Variants in CCDC7 observed in about 807,000 individuals in gnomAD.
The protein encoded by CCDC7 is coiled-coil domain containing 7.
A neutral mutation model predicts 196.9 loss-of-function variants in CCDC7; 183 were observed. The observed-to-expected ratio is 0.93, with a 90% CI of 0.82 to 1.05. The LOEUF (loss-of-function observed/expected upper bound fraction) is 1.05. Among genes scored for constraint, CCDC7 ranks in the 50% least tolerant of loss-of-function variants. The pLI is 0.00. For missense variants in CCDC7, 1,540 were observed against 1,482.2 expected (o/e 1.04, Z -0.64); for synonymous variants, 525 against 484.6 (o/e 1.08, Z -1.10).
chr10:32,664,293 A>T lies in CCDC7; in HGVS notation c.2122+132A>T, dbSNP rs539995841. The T allele has an allele frequency of 6.7e-5, 24 of 359,148 alleles. No homozygotes were observed. The South Asian group carries it at 3.1e-3, about 47-fold the overall frequency. 22.2% of individuals were successfully genotyped at this position (359,148 alleles called of 1,614,324 possible). A position where few individuals can be genotyped will look rare whatever the true frequency, so the allele number is the denominator to read the frequency against. ...TAAATTGTGGAATAATAAATTGTGGAATTTAAATATAAATTGTGGAAAATA... is the reference window on the plus strand; with the variant it reads ...TAAATTGTGGAATAATAAATTGTGGTATTTAAATATAAATTGTGGAAAATA... On this transcript the variant is annotated intron_variant, in intron 21 of 41. Coordinates refer to ENST00000639629, the Ensembl canonical transcript of CCDC7.
chr10:32,481,515 T>G (rs1415675395), intron 8 of CCDC7, among the ~76,000 whole-genome samples: 1 of 152,184 alleles, frequency 6.6e-6, no homozygotes, highest in Non-Finnish European at 1.5e-5. Flanking sequence ...TAGCTATAGG[T>G]ATTTTGTTTT....
intron 18 of CCDC7, among the ~76,000 whole-genome samples, chr10:32,633,539 C>T (rs1174723771): frequency 6.6e-6 from 1 of 152,092 alleles, no homozygotes; most frequent in Non-Finnish European, 1.5e-5. Flanking sequence ...ATTTGCACCC[C>T]ACTCTCTTGA....
intron 18 of CCDC7, among the ~76,000 whole-genome samples, chr10:32,619,277 C>T (rs7924251): frequency 0.14 from 21,505 of 151,652 alleles, 1,875 homozygotes; most frequent in African/African-American, 0.25. Flanking sequence ...ATCTGTAAAA[C>T]GAAAGAGATT....
rs565953060 is a variant in CCDC7, at chr10:32,860,365, C to G, written c.4111+5876C>G. On this transcript the variant is annotated intron_variant, in intron 41 of 41. Transcript: ENST00000639629. ...AAGGCCTTTGACAAAATTTAACAGC[C>G]CTTCATGCTAAAAACTCTTAATAAA... Among the ~76,000 whole-genome samples the G allele has an allele frequency of 7.2e-5, 11 of 152,136 alleles. No individual in the cohort carries two copies. In the East Asian group the frequency reaches 2.1e-3, roughly 29 times the overall value.
chr10:32,857,600 C>T (rs574178200), intron 41 of CCDC7, among the ~76,000 whole-genome samples: 61 of 152,002 alleles, frequency 4.0e-4, no homozygotes, highest in African/African-American at 1.3e-3. Context: ...AGAATCACAA[C>T]GTATCAAAAT....
At chr10:32,689,071 A>T (rs151050373) in exon 23 of CCDC7, 39 of 1,598,282 alleles carry the variant, frequency 2.4e-5, no homozygotes, top group Non-Finnish European at 3.2e-5. Flanking sequence ...AAAGAACCAA[A>T]TGAAAATCTT....
At chr10:32,865,425 ACACACACG>A (rs1215318239) in intron 41 of CCDC7, among the ~76,000 whole-genome samples, 1 of 151,588 alleles carries the variant, frequency 6.6e-6, no homozygotes, top group African/African-American at 2.4e-5. Flanking sequence ...ACACACACAC[ACACACACG>A]AGAATGGCTA....
At chr10:32,724,781 G>A (rs924879733) in intron 25 of CCDC7, among the ~76,000 whole-genome samples, 5 of 152,192 alleles carry the variant, frequency 3.3e-5, no homozygotes, top group African/African-American at 9.6e-5. Context: ...GACTCCAAAT[G>A]GAGGGTTCCT....
At position 32,729,333 on chromosome 10, in the gene CCDC7, G is replaced by GT; in HGVS notation, c.2784dup (p.Pro929SerfsTer12). 6.5e-7 allele frequency: 1 copy of GT among 1,550,050 alleles called. No homozygotes were observed. The highest frequency in any genetic ancestry group is 1.3e-5 in the South Asian group (1 of 79,392). ...GCACATCTATTTTTTTCTATTTAGCGTTTCCTTTAGAAATCAAAAAAAAGG... is the reference window on the plus strand; with the variant it reads ...GCACATCTATTTTTTTCTATTTAGCGTTTTCCTTTAGAAATCAAAAAAAAGG... On this transcript the variant is annotated frameshift_variant and splice_region_variant, in exon 28 of 42. Transcript: ENST00000639629. LOFTEE classifies it high-confidence loss of function.
At chr10:32,696,931 T>C (rs1323890068) in intron 24 of CCDC7, among the ~76,000 whole-genome samples, 1 of 152,214 alleles carries the variant, frequency 6.6e-6, no homozygotes, top group East Asian at 1.9e-4. Context: ...TCAACCTTTT[T>C]GCACCAGAGA....
chr10:32,468,988 C>A (rs2037403232), intron 5 of CCDC7, among the ~76,000 whole-genome samples: 2 of 152,208 alleles, frequency 1.3e-5, no homozygotes, highest in Non-Finnish European at 2.9e-5. Context: ...CCTACAGTAG[C>A]CTGTACACTT....
intron 11 of CCDC7, among the ~76,000 whole-genome samples, chr10:32,527,966 T>A (rs1348728444): frequency 6.6e-6 from 1 of 152,148 alleles, no homozygotes; most frequent in Non-Finnish European, 1.5e-5. Context: ...TTTTAAGTTC[T>A]CCATCACTCA....
intron 18 of CCDC7, among the ~76,000 whole-genome samples, chr10:32,595,461 G>T (rs1159170460): frequency 1.3e-5 from 2 of 152,034 alleles, no homozygotes; most frequent in African/African-American, 4.8e-5. Flanking sequence ...CTTGCGAGTG[G>T]TCTATCAATT....
At chr10:32,757,510 C>T (rs2076665619) in intron 28 of CCDC7, among the ~76,000 whole-genome samples, 1 of 152,112 alleles carries the variant, frequency 6.6e-6, no homozygotes, top group African/African-American at 2.4e-5. Context: ...CTACTGGGTA[C>T]ATAACAAAAT....
At chr10:32,445,408 A>G (rs77693839), upstream of CCDC7, among the ~76,000 whole-genome samples, 4,226 of 152,306 alleles carry the variant, frequency 0.028, 209 homozygotes, top group African/African-American at 0.096. Context: ...GTTGAAATCT[A>G]CTAAGTCAAA....
At chr10:32,553,498 G>A (rs529062732) in intron 13 of CCDC7, among the ~76,000 whole-genome samples, 18 of 152,206 alleles carry the variant, frequency 1.2e-4, no homozygotes, top group South Asian at 2.1e-4. Flanking sequence ...GCCTTGTTTT[G>A]TCATATTTCC....
chr10:32,514,280 C>T (rs931593383), intron 9 of CCDC7: 8 of 152,110 alleles, frequency 5.3e-5, no homozygotes, highest in African/African-American at 1.2e-4. Context: ...GGGTTATTCC[C>T]GATATTATTA....
At chr10:32,599,685 G>A (rs1003034644) in intron 18 of CCDC7, among the ~76,000 whole-genome samples, 5 of 151,938 alleles carry the variant, frequency 3.3e-5, no homozygotes, top group African/African-American at 1.2e-4. Flanking sequence ...AATATTAGGG[G>A]TACAGTGTGT....
At chr10:32,523,971 A>C (rs546147591) in intron 11 of CCDC7, among the ~76,000 whole-genome samples, 1 of 149,196 alleles carries the variant, frequency 6.7e-6, no homozygotes, top group East Asian at 2.0e-4. Context: ...AGTTTAGTCC[A>C]TTTACATTCA....
Sources: gnomAD v4.1 joint callset for allele counts (sites outside exome capture counted in the v4.1 genomes callset) on GRCh38, gnomAD v4.1.1 for gene constraint, MANE v1.5 for transcripts, NCBI Gene and HGNC (gene_info 2026-07-23, HGNC 2026-07-21) for gene names.